Variants in ZNF318 observed in about 807,000 individuals in gnomAD.
ZNF318 encodes zinc finger protein 318.
In ZNF318, 51 loss-of-function variants were observed where a neutral mutation model predicts 124.2. The observed-to-expected ratio is 0.41, with a 90% CI of 0.33 to 0.52. The LOEUF is 0.52. Ranked by LOEUF, ZNF318 falls within the 20% of genes least tolerant of loss-of-function variation. The pLI is 0.23. For synonymous variants in ZNF318, 1,090 were observed against 1,040.7 expected (o/e 1.05, Z -0.91); for missense variants, 2,815 against 2,811.2 (o/e 1.00, Z -0.03).
At chr6:43,364,511 A>G (rs1779733832) in intron 2 of ZNF318, among the ~76,000 whole-genome samples, 1 of 152,170 alleles carries the variant, frequency 6.6e-6, no homozygotes, top group South Asian at 2.1e-4. Flanking sequence ...ATTACATTAC[A>G]TTGATTTATT....
In ZNF318 at chr6:43,369,210, G is replaced by T; in HGVS notation, c.156C>A (p.Thr52=). The part of the protein sequence containing the change: ...PPPPSGSSSR[T]PARRPRSPSG... ...AGGGCGAGCGGGGTCGGCGAGCCGGGGTCCGCGACGAGGAGCCGGAGGGCG... is the reference window on the plus strand; with the variant it reads ...AGGGCGAGCGGGGTCGGCGAGCCGGTGTCCGCGACGAGGAGCCGGAGGGCG... The change falls in exon 1 of 10, where the codon ACC becomes ACA. Residue 52 remains threonine (T), a synonymous_variant. Coordinates refer to ENST00000361428, the MANE Select transcript of ZNF318 (RefSeq NM_014345.3). 1.6e-6 allele frequency: 2 copies of T among 1,213,742 alleles called. No homozygotes were observed. The highest frequency in any genetic ancestry group is 2.0e-6 in the Non-Finnish European group (2 of 977,540). 75.2% of individuals were successfully genotyped at this position (1,213,742 alleles called of 1,614,324 possible). A position where few individuals can be genotyped will look rare whatever the true frequency, so the allele number is the denominator to read the frequency against.
Position 43,364,523 on chromosome 6 carries a change from C to T in ZNF318, c.548+769G>A, listed in dbSNP as rs72855891. 4.3e-3 allele frequency among the ~76,000 whole-genome samples: 658 copies of T among 152,248 alleles called. 2 individuals are homozygous for T. The highest frequency in any genetic ancestry group is 6.7e-3 in the Non-Finnish European group (455 of 68,022). On this transcript the variant is annotated intron_variant, in intron 2 of 9. Coordinates refer to ENST00000361428, the MANE Select transcript of ZNF318 (RefSeq NM_014345.3). ...GAAATTACATTACATTGATTTATTG[C>T]TACTGCTAATCATTTGTCAAAACTC... is the stretch of plus-strand genomic sequence containing the variant.
chr6:43,349,687 C>T (rs766900158), intron 5 of ZNF318, among the ~76,000 whole-genome samples: 6 of 152,102 alleles, frequency 3.9e-5, no homozygotes, highest in Admixed American at 6.5e-5. Context: ...TATTTAGGAG[C>T]CTTGTTATGT....
chr6:43,338,656 A>G lies in ZNF318; in HGVS notation c.5342T>C (p.Leu1781Pro). 6.2e-7 allele frequency: 1 copy of G among 1,614,050 alleles called. No individual in the cohort carries two copies. Among genetic ancestry groups the G allele is most frequent in the Non-Finnish European group, 8.5e-7 (1 of 1,180,004 alleles). Reference sequence around the variant, plus strand: ...AGACAGCTCCTTTACCCTTTCTTTTAGTTCAGTGTTTGTCTCTATCTCACT... The same window carrying G: ...AGACAGCTCCTTTACCCTTTCTTTTGGTTCAGTGTTTGTCTCTATCTCACT... ...RESEIETNTELKERVKELSEG... is the reference protein window; with the variant it reads ...RESEIETNTEPKERVKELSEG... The change falls in exon 10 of 10, where the codon CTA becomes CCA. Residue 1781 changes from leucine to proline, a missense_variant. Around this residue, in one of 4 missense-constraint regions of ZNF318, gnomAD observed 927 missense variants for 820.6 expected, o/e 1.13. Transcript: ENST00000361428.
In ZNF318 at chr6:43,369,271, G is replaced by A. The variant is rs1477195123; in HGVS notation, c.95C>T (p.Ser32Phe). 1 of 1,310,582 alleles carries A rather than the reference G, an allele frequency of 7.6e-7. No individual in the cohort carries two copies. The highest frequency in any genetic ancestry group is 9.7e-7 in the Non-Finnish European group (1 of 1,026,740). The allele number at this position is 1,310,582 out of a possible 1,614,324, so 81.2% of individuals were successfully genotyped here. Reference sequence around the variant, plus strand: ...TGAGCTGCGGCGAGCCGGGCCTGAGGAGGAGCCAGAGCTGCGGCCGCTGCG... The same window carrying A: ...TGAGCTGCGGCGAGCCGGGCCTGAGAAGGAGCCAGAGCTGCGGCCGCTGCG... ...GPRSGRSSGS[S>F]SGPARRSSPP... is the part of the protein sequence containing the mutation. The change falls in exon 1 of 10, where the codon TCC becomes TTC. Residue 32 changes from serine to phenylalanine, a missense_variant. By Grantham distance (155) the Ser-to-Phe change is radical. Around this residue, in one of 4 missense-constraint regions of ZNF318, gnomAD observed 1,377 missense variants for 1,353.5 expected, o/e 1.02. Transcript: ENST00000361428.
Position 43,337,785 on chromosome 6 carries a change from A to C in ZNF318, c.6213T>G (p.Phe2071Leu), listed in dbSNP as rs753600641. The change falls in exon 10 of 10, where the codon TTT (phenylalanine) becomes TTG (leucine). Residue 2071 changes from phenylalanine to leucine, a missense_variant. Phe to Leu is a conservative substitution (Grantham distance 22). Coordinates refer to ENST00000361428, the MANE Select transcript of ZNF318 (RefSeq NM_014345.3). ...DFEPIPSFSG[F>L]PLDSPKTLVL... is the part of the protein sequence containing the mutation. ...CCAAGGTTTTGGGAGAATCTAACGG[A>C]AACCCAGAAAAAGATGGGATTGGTT... 6.2e-7 allele frequency: 1 copy of C among 1,614,232 alleles called. No homozygotes were observed. Among genetic ancestry groups the C allele is most frequent in the Admixed American group, 1.7e-5 (1 of 60,028 alleles).
intron 5 of ZNF318, among the ~76,000 whole-genome samples, chr6:43,348,907 G>A (rs138652343): frequency 3.9e-5 from 6 of 152,088 alleles, no homozygotes; most frequent in African/African-American, 7.2e-5. Flanking sequence ...GGGGGTGGGC[G>A]CCTGTAATTC....
chr6:43,338,667 T>C lies in ZNF318; in HGVS notation c.5331A>G (p.Thr1777=). 6.2e-7 allele frequency: 1 copy of C among 1,614,208 alleles called. No individual in the cohort carries two copies. Among genetic ancestry groups the C allele is most frequent in the Non-Finnish European group, 8.5e-7 (1 of 1,180,042 alleles). ...TTACCCTTTCTTTTAGTTCAGTGTT[T>C]GTCTCTATCTCACTTTCTCTACAAT... is the stretch of plus-strand genomic sequence containing the variant. ...SEDCRESEIE[T]NTELKERVKE... is the part of the protein sequence containing the mutation. The change falls in exon 10 of 10, where the codon ACA becomes ACG. Residue 1777 remains threonine, a synonymous_variant. Coordinates refer to ENST00000361428, the MANE Select transcript of ZNF318 (RefSeq NM_014345.3).
rs1288851233 is a variant in ZNF318 at position 43,339,575 on chromosome 6, G to A, written c.4423C>T (p.Pro1475Ser). The A allele has an allele frequency of 1.9e-6, 3 of 1,605,016 alleles. No homozygotes were observed. The highest frequency in any genetic ancestry group is 2.3e-5 in the East Asian group (1 of 44,108). ...GATACAACTGGGTTTGATTTTACTG[G>A]AGCCAAGATAGCATTTGCTTGAGCA... ...SAAQANAILAPVKSNPVVSQT... is the reference protein window; with the variant it reads ...SAAQANAILASVKSNPVVSQT... Residue 1475 changes from proline (P) to serine (S), a missense_variant, in exon 10 of 10, where the codon CCA (proline) becomes TCA (serine). Physicochemically the swap from Pro to Ser is moderately conservative, Grantham distance 74. Around this residue, in one of 4 missense-constraint regions of ZNF318, gnomAD observed 500 missense variants for 605.2 expected, o/e 0.83. Coordinates refer to ENST00000361428, the MANE Select transcript of ZNF318 (RefSeq NM_014345.3). The surrounding 1 kb of genome is among the most constrained non-coding windows in gnomAD (Gnocchi z 4.2).
Position 43,352,395 on chromosome 6 carries a change from G to C in ZNF318, c.2752C>G (p.Arg918Gly). The change falls in exon 5 of 10, where the codon CGG becomes GGG. Residue 918 changes from arginine to glycine, a missense_variant. Arg to Gly is a moderately radical substitution (Grantham distance 125). Around this residue, in one of 4 missense-constraint regions of ZNF318, gnomAD observed 1,377 missense variants for 1,353.5 expected, o/e 1.02. Transcript: ENST00000361428. Reference sequence around the variant, plus strand: ...CTGATACCTTGTTGTTTATGAAGCCGCTCTAACTCGGTCCTAAGATAGTAC... The same window carrying C: ...CTGATACCTTGTTGTTTATGAAGCCCCTCTAACTCGGTCCTAAGATAGTAC... ...KMYYLRTELE[R>G]LHKQQGEMLR... The C allele has an allele frequency of 1.9e-6, 3 of 1,614,044 alleles. No individual in the cohort carries two copies. Among genetic ancestry groups the C allele is most frequent in the Non-Finnish European group, 2.5e-6 (3 of 1,179,954 alleles).
Position 43,342,136 on chromosome 6 carries a change from C to T in ZNF318, c.3352G>A (p.Asp1118Asn), listed in dbSNP as rs766624729. ...EAKQDAIKRT[D>N]KITVPAKGSE... Reference sequence around the variant, plus strand: ...CCTTTTGCAGGAACAGTTATCTTGTCAGTGCGCTTTATGGCATCTTGCTTG... The same window carrying T: ...CCTTTTGCAGGAACAGTTATCTTGTTAGTGCGCTTTATGGCATCTTGCTTG... The change falls in exon 8 of 10, where the codon GAC becomes AAC. Residue 1118 changes from aspartate (D) to asparagine (N), a missense_variant. This residue lies in a region of ZNF318 where 500 missense variants were observed against 605.2 expected (regional missense o/e 0.83). Transcript: ENST00000361428. 6.2e-7 allele frequency: 1 copy of T among 1,614,110 alleles called. No individual in the cohort carries two copies. Among genetic ancestry groups the T allele is most frequent in the Non-Finnish European group, 8.5e-7 (1 of 1,179,980 alleles).
chr6:43,349,596 C>T (rs1310632681), intron 5 of ZNF318, among the ~76,000 whole-genome samples: 1 of 152,082 alleles, frequency 6.6e-6, no homozygotes, highest in Non-Finnish European at 1.5e-5. Flanking sequence ...ATAAATAACT[C>T]AATTTCTCAT....
intron 9 of ZNF318, 34 bp downstream of exon 9, chr6:43,340,756 G>A: frequency 6.3e-7 from 1 of 1,578,540 alleles, no homozygotes; most frequent in Non-Finnish European, 8.7e-7. Context: ...CTTCAGAAAA[G>A]TTGGAAACTC....
At chr6:43,368,009 A>G (rs927617706) in intron 1 of ZNF318, among the ~76,000 whole-genome samples, 1 of 152,230 alleles carries the variant, frequency 6.6e-6, no homozygotes, top group Admixed American at 6.5e-5. Flanking sequence ...TGGGGAACAG[A>G]GTGAGACTCT....
At position 43,336,814 on chromosome 6, in the gene ZNF318, C is replaced by T. The variant is rs1334685584; in HGVS notation, c.*344G>A. On this transcript the variant is annotated 3_prime_UTR_variant, in exon 10 of 10. Transcript: ENST00000361428. ...CCCCACATTTCAGAAATGGCAGAGT[C>T]AAAGCCAAAATACAATCAAAGCACA... 6.5e-6 allele frequency: 1 copy of T among 153,762 alleles called. No homozygotes were observed. The highest frequency in any genetic ancestry group is 1.9e-4 in the East Asian group (1 of 5,268). 9.5% of individuals were successfully genotyped at this position (153,762 alleles called of 1,614,324 possible). A position where few individuals can be genotyped will look rare whatever the true frequency, so the allele number is the denominator to read the frequency against.
intron 5 of ZNF318, among the ~76,000 whole-genome samples, chr6:43,351,633 C>A (rs552104580): frequency 6.6e-6 from 1 of 152,034 alleles, no homozygotes; most frequent in South Asian, 2.1e-4. Flanking sequence ...TGGTGGCACA[C>A]ACCTGTAATC....
chr6:43,342,548 G>T, intron 7 of ZNF318, 128 bp downstream of exon 7: 1 of 988,646 alleles, frequency 1.0e-6, no homozygotes, highest in Non-Finnish European at 1.5e-6. Flanking sequence ...GTGTCTCTTG[G>T]CTCTTCAGAC....
chr6:43,368,913 T>G (rs1416824261), intron 1 of ZNF318, 54 bp downstream of exon 1: 1 of 1,295,864 alleles, frequency 7.7e-7, no homozygotes, highest in Non-Finnish European at 9.8e-7. Context: ...AAACGGGAAT[T>G]CCGGGGGAGG....
chr6:43,353,376 C>CTTTT (rs11435695), intron 4 of ZNF318, among the ~76,000 whole-genome samples: 1 of 142,016 alleles, frequency 7.0e-6, no homozygotes, highest in Admixed American at 7.2e-5. Flanking sequence ...TTCTTCAGAA[C>CTTTT]TTTTTTTTTT....
Sources: allele counts gnomAD v4.1 joint callset (sites outside exome capture counted in the v4.1 genomes callset), GRCh38; gene constraint gnomAD v4.1.1; regional missense constraint gnomAD v4.1.1; non-coding constraint Gnocchi (gnomAD v3.1); transcripts MANE v1.5; gene names NCBI Gene and HGNC (gene_info 2026-07-23, HGNC 2026-07-21).